TNR: variants seen among roughly 807,000 people sequenced by gnomAD.
TNR encodes tenascin R, also known as tenascin-R.
Under a neutral mutation model 150.4 loss-of-function variants are expected in TNR, and 45 were observed. The ratio of observed to expected loss-of-function variants is 0.30; its 90% confidence interval spans 0.24 to 0.38. TNR has a LOEUF of 0.38. Among genes scored for constraint, TNR ranks in the 10% least tolerant of loss-of-function variants. The probability of loss-of-function intolerance (pLI) is 1.00; values close to 1 mark genes in which losing one functional copy is unlikely to be tolerated. For missense variants in TNR, 1,544 were observed against 1,759.1 expected, an observed-to-expected ratio of 0.88 and a Z score of 2.19; for synonymous variants, 687 against 678.4, an observed-to-expected ratio of 1.01 and a Z score of -0.20.
At chr1:175,340,936 G>T (rs1650491934) in intron 18 of TNR, among the ~76,000 whole-genome samples, 1 of 152,168 alleles carries the variant, frequency 6.6e-6, no homozygotes, top group Admixed American at 6.5e-5. Context: ...TGAGTGGGCT[G>T]GTTCCAAGAA....
intron 1 of TNR, among the ~76,000 whole-genome samples, chr1:175,634,055 C>T (rs565756398): frequency 6.6e-6 from 1 of 152,184 alleles, no homozygotes; most frequent in African/African-American, 2.4e-5. Flanking sequence ...AAGTCACTGT[C>T]AGATGAAATA....
At chr1:175,733,956 C>CA (rs1339606532) in intron 1 of TNR, among the ~76,000 whole-genome samples, 1 of 152,098 alleles carries the variant, frequency 6.6e-6, no homozygotes, top group African/African-American at 2.4e-5. Context: ...CCACCAAGGG[C>CA]AACTTCATGG....
chr1:175,347,079 C>T (rs534957299), intron 18 of TNR, among the ~76,000 whole-genome samples: 1 of 152,154 alleles, frequency 6.6e-6, no homozygotes, highest in East Asian at 1.9e-4. Flanking sequence ...CGGATGGTAG[C>T]TAACCATATA....
At chr1:175,479,377 G>T (rs1459238130) in intron 2 of TNR, among the ~76,000 whole-genome samples, 1 of 152,210 alleles carries the variant, frequency 6.6e-6, no homozygotes, top group Non-Finnish European at 1.5e-5. Context: ...CAACAATGCG[G>T]TATTCCCAGG....
chr1:175,612,604 C>T (rs1663632506), intron 1 of TNR, among the ~76,000 whole-genome samples: 1 of 152,078 alleles, frequency 6.6e-6, no homozygotes, highest in Admixed American at 6.5e-5. Flanking sequence ...TACCCAAAAC[C>T]CCCCACTTTT....
chr1:175,487,291 G>C lies in TNR; in HGVS notation c.-64+40978C>G, dbSNP rs538733129. Among the ~76,000 whole-genome samples the C allele has an allele frequency of 1.7e-4, 26 of 152,296 alleles. No homozygotes were observed. The South Asian group carries it at 5.2e-3, about 30-fold the overall frequency. ...TCTAATGCTGCCACTGATCCGACAG[G>C]AGGTGGAGCTCAGGTGGTAATGCTT... On this transcript the variant is annotated intron_variant, in intron 2 of 22. Transcript: ENST00000367674.
chr1:175,429,425 G>A (rs139843126), intron 2 of TNR, among the ~76,000 whole-genome samples: 4 of 152,320 alleles, frequency 2.6e-5, no homozygotes, highest in African/African-American at 9.6e-5. Flanking sequence ...GACTCCAATA[G>A]TTGCTCTCTT....
At chr1:175,363,591 A>G in intron 13 of TNR, 117 bp downstream of exon 13, 2 of 1,346,706 alleles carry the variant, frequency 1.5e-6, no homozygotes, top group South Asian at 1.4e-5. Flanking sequence ...CTGATGCAGC[A>G]TGCCACAGAG....
chr1:175,617,453 G>A (rs947486893), intron 1 of TNR, among the ~76,000 whole-genome samples: 1 of 152,304 alleles, frequency 6.6e-6, no homozygotes, highest in East Asian at 1.9e-4. Context: ...AGTCAGCGGG[G>A]TAGAGACGAT....
chr1:175,609,365 A>G (rs1317255570), intron 1 of TNR, among the ~76,000 whole-genome samples: 1 of 152,234 alleles, frequency 6.6e-6, no homozygotes, highest in African/African-American at 2.4e-5. Context: ...GGGACTGAAG[A>G]TAAACAGCAA....
chr1:175,542,259 C>T (rs1344046575), intron 1 of TNR, among the ~76,000 whole-genome samples: 2 of 152,132 alleles, frequency 1.3e-5, no homozygotes, highest in South Asian at 2.1e-4. Flanking sequence ...AATACTATAC[C>T]CCTCCTCTCT....
chr1:175,615,531 A>G (rs1366554025), intron 1 of TNR, among the ~76,000 whole-genome samples: 1 of 152,214 alleles, frequency 6.6e-6, no homozygotes, highest in African/African-American at 2.4e-5. Flanking sequence ...GGCCACATCA[A>G]GGCCCCGCCC....
chr1:175,351,799 A>G (rs573165026), intron 18 of TNR, among the ~76,000 whole-genome samples: 3 of 152,194 alleles, frequency 2.0e-5, no homozygotes, highest in Non-Finnish European at 2.9e-5. Context: ...TATCTTTGCC[A>G]TGTACCACAG....
chr1:175,331,150 T>C (rs1316124013), intron 20 of TNR, among the ~76,000 whole-genome samples: 28 of 143,104 alleles, frequency 2.0e-4, no homozygotes, highest in African/African-American at 7.2e-4. Flanking sequence ...TTTCTTCCTT[T>C]CTTTCTTTTT....
At chr1:175,323,657 C>T (rs1045889583) in intron 22 of TNR, among the ~76,000 whole-genome samples, 181 bp from the exon 23 acceptor site, 6 of 152,210 alleles carry the variant, frequency 3.9e-5, no homozygotes, top group African/African-American at 1.4e-4. Flanking sequence ...TTCTAGCTTT[C>T]TCCTTAAATG....
At chr1:175,499,823 C>G (rs1171454607) in intron 2 of TNR, among the ~76,000 whole-genome samples, 5 of 152,176 alleles carry the variant, frequency 3.3e-5, no homozygotes, top group African/African-American at 1.2e-4. Context: ...GGGCCTATCT[C>G]TCTCTTTCAT....
intron 1 of TNR, among the ~76,000 whole-genome samples, chr1:175,555,212 C>T (rs1274441408): frequency 6.6e-6 from 1 of 152,132 alleles, no homozygotes; most frequent in Non-Finnish European, 1.5e-5. Context: ...CTCCCCTTTG[C>T]TCTTCCCCAC....
chr1:175,432,254 G>A (rs994050464), intron 2 of TNR, among the ~76,000 whole-genome samples: 22 of 152,194 alleles, frequency 1.4e-4, no homozygotes, highest in African/African-American at 5.3e-4. Flanking sequence ...TCTGGTGAAA[G>A]CTGATGGCCA....
chr1:175,593,151 G>A (rs1662869950), intron 1 of TNR, among the ~76,000 whole-genome samples: 1 of 152,194 alleles, frequency 6.6e-6, no homozygotes, highest in South Asian at 2.1e-4. Context: ...CAATCTGGTT[G>A]GGAGGCAGCA....
Sources: allele counts gnomAD v4.1 joint callset (sites outside exome capture counted in the v4.1 genomes callset), GRCh38; gene constraint gnomAD v4.1.1; transcripts MANE v1.5; gene names NCBI Gene and HGNC (gene_info 2026-07-23, HGNC 2026-07-21).